The following KIF26A variants were observed in gnomAD, a reference collection of about 807,000 sequenced individuals.
KIF26A encodes the protein kinesin-like protein KIF26A.
A neutral mutation model predicts 126.0 loss-of-function variants in KIF26A; 74 were observed. That is an observed-to-expected ratio of 0.59 (90% CI 0.49 to 0.71). KIF26A has a LOEUF of 0.71. KIF26A is among the 30% of genes least tolerant of loss of function. The pLI is 0.00. For synonymous variants in KIF26A, 1,445 were observed against 1,232.7 expected, an observed-to-expected ratio of 1.17 and a Z score of -3.61; for missense variants, 2,984 against 2,763.3, an observed-to-expected ratio of 1.08 and a Z score of -1.79.
At chr14:104,166,713 A>G (rs906386320) in intron 4 of KIF26A, 146 bp from the exon 5 acceptor site, 3 of 740,682 alleles carry the variant, frequency 4.1e-6, no homozygotes, top group Non-Finnish European at 6.4e-6. Context: ...AATGAAGTGC[A>G]GGCCTCCCAG....
Position 104,175,016 on chromosome 14 carries a change from G to A in KIF26A, c.2228G>A (p.Cys743Tyr). 6.4e-7 allele frequency: 1 copy of A among 1,556,520 alleles called. No individual in the cohort carries two copies. The highest frequency in any genetic ancestry group is 8.7e-7 in the Non-Finnish European group (1 of 1,154,694). ...ASSSSGGESS[C>Y]EEGRARRPPH... ...AGCTCCTCTGGCGGGGAGAGCTCCTGTGAGGAAGGCCGGGCCCGTCGGCCC... is the reference window on the plus strand; with the variant it reads ...AGCTCCTCTGGCGGGGAGAGCTCCTATGAGGAAGGCCGGGCCCGTCGGCCC... The change falls in exon 12 of 15, where the codon TGT becomes TAT. Residue 743 changes from cysteine to tyrosine, a missense_variant. Cys to Tyr is a radical substitution (Grantham distance 194). Coordinates refer to ENST00000423312, the MANE Select transcript of KIF26A (RefSeq NM_015656.2).
In KIF26A at chr14:104,174,226, G is replaced by A. The variant is rs914704307; in HGVS notation, c.2109G>A (p.Ser703=). The change falls in exon 11 of 15, where the codon TCG becomes TCA. Residue 703 remains serine, a synonymous_variant. Coordinates refer to ENST00000423312, the MANE Select transcript of KIF26A (RefSeq NM_015656.2). ...GCRTTMIAHV[S]DAPAQHAETL... ...GCACCACCATGATCGCCCACGTGTC[G>A]GATGCGCCAGCCCAGCACGCAGAGA... 3.8e-6 allele frequency: 6 copies of A among 1,580,400 alleles called. No individual in the cohort carries two copies. Among genetic ancestry groups the A allele is most frequent in the African/African-American group, 1.4e-5 (1 of 74,060 alleles).
At chr14:104,150,688 G>C (rs935366748) in intron 2 of KIF26A, among the ~76,000 whole-genome samples, 1 of 152,192 alleles carries the variant, frequency 6.6e-6, no homozygotes, top group African/African-American at 2.4e-5. Context: ...AGTGCCTTTT[G>C]TGGCCAACAG....
rs781282857 is a variant in KIF26A, at chr14:104,173,132, C to T, written c.1576C>T (p.Arg526Cys). The T allele has an allele frequency of 3.1e-5, 50 of 1,608,664 alleles. No individual in the cohort carries two copies. Among genetic ancestry groups the T allele is most frequent in the Admixed American group, 1.9e-4 (11 of 59,404 alleles). ...GGTCTCAGCCGTGGAGGTGTGCGGG[C>T]GCGACCAGAGCCTGCGGGACCTGCT... ...VRVSAVEVCG[R>C]DQSLRDLLAE... is the part of the protein sequence containing the mutation. Residue 526 changes from arginine (R) to cysteine (C), a missense_variant, in exon 8 of 15, where the codon CGC becomes TGC. Physicochemically the swap from Arg to Cys is radical, Grantham distance 180. Coordinates refer to ENST00000423312, the MANE Select transcript of KIF26A (RefSeq NM_015656.2).
At position 104,177,284 on chromosome 14, in the gene KIF26A, A is replaced by G. The variant is rs758868303; in HGVS notation, c.4496A>G (p.Lys1499Arg). 1 of 1,587,518 alleles carries G rather than the reference A, an allele frequency of 6.3e-7. No homozygotes were observed. ...GAPKPPVGGG[K>R]GRGLVAGGSR... The stretch of plus-strand genomic sequence containing the variant: ...CCCAAGCCCCCTGTTGGTGGAGGCA[A>G]GGGCCGTGGCCTAGTGGCTGGTGGG... Residue 1499 changes from lysine to arginine, a missense_variant, in exon 12 of 15, where the codon AAG becomes AGG. Transcript: ENST00000423312.
intron 12 of KIF26A, among the ~76,000 whole-genome samples, chr14:104,178,185 C>G (rs1427529986): frequency 6.6e-6 from 1 of 152,182 alleles, no homozygotes; most frequent in African/African-American, 2.4e-5. Flanking sequence ...ACAAGGGCAG[C>G]CCTGCACAGG....
chr14:104,177,640 G>T lies in KIF26A; in HGVS notation c.4852G>T (p.Ala1618Ser). 2 of 1,525,036 alleles carry T rather than the reference G, an allele frequency of 1.3e-6. No individual in the cohort carries two copies. Among genetic ancestry groups the T allele is most frequent in the Non-Finnish European group, 1.8e-6 (2 of 1,140,578 alleles). 94.5% of individuals were successfully genotyped at this position (1,525,036 alleles called of 1,614,324 possible). ...ALPSPYSKVT[A>S]PRRPQRYSSG... ...GCCCTCCCCCTACAGCAAGGTGACC[G>T]CCCCACGGCGGCCCCAGCGCTACAG... The change falls in exon 12 of 15, where the codon GCC becomes TCC. Residue 1618 changes from alanine (A) to serine (S), a missense_variant. Coordinates refer to ENST00000423312, the MANE Select transcript of KIF26A (RefSeq NM_015656.2).
rs537349504 is a variant in KIF26A at position 104,164,387 on chromosome 14, A to G, written c.924-2472A>G. On this transcript the variant is annotated intron_variant, in intron 4 of 14. Transcript: ENST00000423312. ...CCGCGTGGGAGCGCCTCCTGTTGGG[A>G]GGTGGTGACACCCAGTGTGTGTGTT... 2.6e-5 allele frequency among the ~76,000 whole-genome samples: 4 copies of G among 152,098 alleles called. No homozygotes were observed. In the South Asian group the frequency reaches 6.2e-4, roughly 24 times the overall value.
intron 3 of KIF26A, among the ~76,000 whole-genome samples, chr14:104,156,257 G>A (rs1326510014): frequency 6.6e-6 from 1 of 152,236 alleles, no homozygotes; most frequent in African/African-American, 2.4e-5. Context: ...CATACATTAA[G>A]TGATAAAATA....
chr14:104,150,073 G>C (rs1306085263), intron 2 of KIF26A, among the ~76,000 whole-genome samples: 1 of 152,036 alleles, frequency 6.6e-6, no homozygotes, highest in Non-Finnish European at 1.5e-5. Flanking sequence ...CATCAGCAGA[G>C]CTAAGCGGGG....
rs1401972456 is a variant in KIF26A, at chr14:104,171,761, C to T, written c.1152C>T (p.Ala384=). The part of the protein sequence containing the change: ...VMLRIWPAQG[A]QRSAEAMSFL... ...TGCGGATCTGGCCCGCACAGGGGGC[C>T]CAGCGCTCGGCCGAGGCCATGTCCT... Residue 384 remains alanine (A), a synonymous_variant, in exon 6 of 15, where the codon GCC becomes GCT. Transcript: ENST00000423312. The T allele has an allele frequency of 1.3e-6, 2 of 1,580,930 alleles. No homozygotes were observed. The highest frequency in any genetic ancestry group is 1.3e-5 in the African/African-American group (1 of 74,310).
chr14:104,151,956 TG>T lies in KIF26A; in HGVS notation c.289-56del. On this transcript the variant is annotated intron_variant, in intron 2 of 14. Transcript: ENST00000423312. This position sits in a 1 kb window ranked among gnomAD's most constrained non-coding sequence, Gnocchi z 4.9. ...GGACGGTGAGAGTGCTGGTGGGCTC[TG>T]GGTGCCGGCCCTCCCTCCCCAGGCA... 1.3e-6 allele frequency: 2 copies of T among 1,508,486 alleles called. No homozygotes were observed. The highest frequency in any genetic ancestry group is 1.8e-6 in the Non-Finnish European group (2 of 1,086,352). The allele number at this position is 1,508,486 out of a possible 1,614,324, so 93.4% of individuals were successfully genotyped here. A position where few individuals can be genotyped will look rare whatever the true frequency, so the allele number is the denominator to read the frequency against.
rs755920199 is a variant in KIF26A, at chr14:104,173,039, G to A, written c.1483G>A (p.Ala495Thr). The A allele has an allele frequency of 4.2e-5, 68 of 1,606,292 alleles. No homozygotes were observed. In the South Asian group the frequency reaches 4.7e-4, roughly 11 times the overall value. Residue 495 changes from alanine (A) to threonine (T), a missense_variant, in exon 8 of 15, where the codon GCC (alanine) becomes ACC (threonine). Ala to Thr is a moderately conservative substitution (Grantham distance 58). Coordinates refer to ENST00000423312, the MANE Select transcript of KIF26A (RefSeq NM_015656.2). Reference protein sequence around the residue: ...SPQSLGIVPCAISWLFRLIEE... With the variant: ...SPQSLGIVPCTISWLFRLIEE... ...CCAGAGCCTGGGCATCGTGCCCTGC[G>A]CCATCTCCTGGCTCTTCAGGCTCAT... is the stretch of plus-strand genomic sequence containing the variant.
Position 104,177,838 on chromosome 14 carries a change from G to A in KIF26A, c.5050G>A (p.Gly1684Arg), listed in dbSNP as rs779240443. ...SSAPDSMSES[G>R]AASPGARTRS... ...CGCCCCTGACTCCATGAGCGAGAGT[G>A]GGGCTGCCTCCCCAGGCGCCCGCAC... The change falls in exon 12 of 15, where the codon GGG becomes AGG. Residue 1684 changes from glycine (G) to arginine (R), a missense_variant. Transcript: ENST00000423312. 6 of 1,566,682 alleles carry A rather than the reference G, an allele frequency of 3.8e-6. No individual in the cohort carries two copies. The highest frequency in any genetic ancestry group is 1.8e-5 in the Admixed American group (1 of 56,260).
chr14:104,168,205 G>A (rs964807371), intron 5 of KIF26A, among the ~76,000 whole-genome samples: 4 of 152,210 alleles, frequency 2.6e-5, no homozygotes, highest in African/African-American at 9.6e-5. Flanking sequence ...GCTCGTGGGA[G>A]GGTTTGGAAC....
chr14:104,170,241 G>A (rs149518205), intron 5 of KIF26A, among the ~76,000 whole-genome samples: 153 of 152,348 alleles, frequency 1.0e-3, no homozygotes, highest in African/African-American at 3.4e-3. Context: ...GGAAGTGCAC[G>A]TTTTCGTCTG....
intron 2 of KIF26A, among the ~76,000 whole-genome samples, chr14:104,149,104 G>A (rs1166574451): frequency 6.6e-6 from 1 of 152,174 alleles, no homozygotes; most frequent in African/African-American, 2.4e-5. Context: ...CTCAGTGGTG[G>A]GGGCGATGGC....
intron 2 of KIF26A, among the ~76,000 whole-genome samples, chr14:104,142,227 T>C (rs1566853378): frequency 6.6e-6 from 1 of 152,132 alleles, no homozygotes; most frequent in Non-Finnish European, 1.5e-5. Flanking sequence ...TTCCTGCCCC[T>C]GTTGGAGCCC....
chr14:104,176,212 G>A lies in KIF26A; in HGVS notation c.3424G>A (p.Asp1142Asn). Residue 1142 changes from aspartate (D) to asparagine (N), a missense_variant, in exon 12 of 15, where the codon GAC (aspartate) becomes AAC (asparagine). Coordinates refer to ENST00000423312, the MANE Select transcript of KIF26A (RefSeq NM_015656.2). ...CAGCCCCGACTCGCTGGCAGGGCTTGACCCTGGGGGCCCCCCTGCCCTGGA... is the reference window on the plus strand; with the variant it reads ...CAGCCCCGACTCGCTGGCAGGGCTTAACCCTGGGGGCCCCCCTGCCCTGGA... ...RFSPDSLAGL[D>N]PGGPPALDGS... 1 of 1,601,208 alleles carries A rather than the reference G, an allele frequency of 6.2e-7. No individual in the cohort carries two copies. Among genetic ancestry groups the A allele is most frequent in the Non-Finnish European group, 8.5e-7 (1 of 1,175,068 alleles).
Sources: gnomAD v4.1 joint callset for allele counts (sites outside exome capture counted in the v4.1 genomes callset) on GRCh38, gnomAD v4.1.1 for gene constraint, Gnocchi (gnomAD v3.1) non-coding constraint, MANE v1.5 for transcripts, NCBI Gene and HGNC (gene_info 2026-07-23, HGNC 2026-07-21) for gene names.